SYNE2: variants seen among roughly 807,000 people sequenced by gnomAD.
SYNE2 encodes nesprin-2.
SYNE2 carries 431 observed loss-of-function variants against 856.3 expected under a neutral mutation model. That is an observed-to-expected ratio of 0.50 (90% CI 0.47 to 0.55). The LOEUF (loss-of-function observed/expected upper bound fraction) is 0.55. Among genes scored for constraint, SYNE2 ranks in the 20% least tolerant of loss-of-function variants. The pLI, the probability that SYNE2 is intolerant of heterozygous loss-of-function variation, is 0.00. For missense variants in SYNE2, 8,129 were observed against 8,023.2 expected (o/e 1.01, Z -0.50); for synonymous variants, 2,923 against 2,872.3 (o/e 1.02, Z -0.56).
At chr14:64,059,404 G>A (rs1221711267) in intron 49 of SYNE2, among the ~76,000 whole-genome samples, 1 of 152,218 alleles carries the variant, frequency 6.6e-6, no homozygotes, top group Non-Finnish European at 1.5e-5. Flanking sequence ...GCCTAATAAT[G>A]TTGTGGTTTT....
intron 99 of SYNE2, among the ~76,000 whole-genome samples, chr14:64,194,100 C>G (rs1230974045): frequency 6.6e-6 from 1 of 152,172 alleles, no homozygotes; most frequent in African/African-American, 2.4e-5. Flanking sequence ...CATCTACACT[C>G]TTATGAAACA....
At chr14:63,768,758 G>C (rs974034034) in intron 1 of SYNE2, among the ~76,000 whole-genome samples, 57 of 152,132 alleles carry the variant, frequency 3.7e-4, no homozygotes, top group African/African-American at 1.3e-3. Context: ...TAAGAAAGTT[G>C]CTCTGGATTC....
In SYNE2 at chr14:64,003,242, A is replaced by G. The variant is rs554653679; in HGVS notation, c.4309A>G (p.Asn1437Asp). The G allele has an allele frequency of 6.8e-6, 11 of 1,613,846 alleles. No homozygotes were observed. In the East Asian group the frequency reaches 2.0e-4, roughly 29 times the overall value. ...KLLEACIFKN[N>D]ELLKNIQDVQ... is the part of the protein sequence containing the mutation. ...ACTAGAGGCTTGTATTTTCAAAAAT[A>G]ATGAACTCCTTAAAAATATTCAAGA... The change falls in exon 30 of 116, where the codon AAT becomes GAT. Residue 1437 changes from asparagine (N) to aspartate (D), a missense_variant. Asn to Asp is a conservative substitution (Grantham distance 23). This residue lies in a region of SYNE2 where 2,422 missense variants were observed against 2,357.4 expected (regional missense o/e 1.03). Transcript: ENST00000555002.
chr14:63,892,453 A>C (rs1391194423), intron 1 of SYNE2, among the ~76,000 whole-genome samples: 1 of 151,578 alleles, frequency 6.6e-6, no homozygotes, highest in Non-Finnish European at 1.5e-5. Context: ...AAAACATTAC[A>C]AGCAGAAATT....
chr14:64,013,323 A>T (rs978915784), intron 32 of SYNE2, among the ~76,000 whole-genome samples: 12 of 136,348 alleles, frequency 8.8e-5, no homozygotes, highest in African/African-American at 2.6e-4. Flanking sequence ...TCCTCATTAA[A>T]TTTTTTTTTT....
chr14:64,146,310 T>A (rs540447096), intron 84 of SYNE2, 87 bp downstream of exon 84: 2 of 1,261,048 alleles, frequency 1.6e-6, no homozygotes, highest in Non-Finnish European at 2.2e-6. Context: ...TGCTGTAGTT[T>A]GTGGAAACTC....
rs927645016 is a variant in SYNE2, at chr14:63,945,326, C to T, written c.408+3183C>T. Among the ~76,000 whole-genome samples, 49 of 152,104 alleles carry T rather than the reference C, an allele frequency of 3.2e-4. 1 individual carries two copies. The highest frequency in any genetic ancestry group is 1.5e-4 in the Non-Finnish European group (10 of 68,012). ...TTCTCCCAATCACTGCCCTCCTTTC[C>T]TAAAGGTGAGCACCGCTTTGAGCTC... On this transcript the variant is annotated intron_variant, in intron 6 of 115. Transcript: ENST00000555002.
At chr14:63,919,991 T>TTTTTTTTTTTTTTTTTTG (rs2095579665) in intron 2 of SYNE2, among the ~76,000 whole-genome samples, 1 of 150,560 alleles carries the variant, frequency 6.6e-6, no homozygotes, top group Admixed American at 6.6e-5. Context: ...TTTTTTTTTT[T>TTTTTTTTTTTTTTTTTTG]AAGGTAAGAG....
chr14:64,140,440 A>G (rs1242637453), intron 80 of SYNE2, among the ~76,000 whole-genome samples: 1 of 152,062 alleles, frequency 6.6e-6, no homozygotes, highest in Non-Finnish European at 1.5e-5. Context: ...GAATTAGCCG[A>G]GCATGGTGGT....
At chr14:63,827,151 AC>A (rs1245295104) in intron 1 of SYNE2, among the ~76,000 whole-genome samples, 2 of 151,554 alleles carry the variant, frequency 1.3e-5, no homozygotes, top group Non-Finnish European at 2.9e-5. Context: ...GGTGGCACAT[AC>A]CTGGAATCCC....
At chr14:64,028,284 C>A (rs2153541801) in intron 43 of SYNE2, among the ~76,000 whole-genome samples, 1 of 152,156 alleles carries the variant, frequency 6.6e-6, no homozygotes, top group South Asian at 2.1e-4. Flanking sequence ...GAGACAGTGT[C>A]TTTCTCTGTC....
intron 49 of SYNE2, among the ~76,000 whole-genome samples, chr14:64,059,836 G>A (rs768356395): frequency 2.6e-5 from 4 of 152,212 alleles, no homozygotes; most frequent in African/African-American, 4.8e-5. Flanking sequence ...GAAACCTTAG[G>A]AATCTACCTG....
At chr14:63,814,879 CATATATATATCCAT>C (rs1888833462) in intron 1 of SYNE2, among the ~76,000 whole-genome samples, 9 of 35,552 alleles carry the variant, frequency 2.5e-4, no homozygotes, top group African/African-American at 6.0e-4. Context: ...CATATATATC[CATATATATATCCAT>C]ATATATATCC....
At chr14:63,950,073 C>A in intron 7 of SYNE2, 67 bp downstream of exon 7, 4 of 1,495,062 alleles carry the variant, frequency 2.7e-6, no homozygotes, top group Non-Finnish European at 3.7e-6. Flanking sequence ...CACCTCACCA[C>A]CCAAACACCT....
At chr14:63,801,363 G>A (rs1433070121) in intron 1 of SYNE2, among the ~76,000 whole-genome samples, 1 of 152,044 alleles carries the variant, frequency 6.6e-6, no homozygotes, top group Non-Finnish European at 1.5e-5. Flanking sequence ...ATAACTTACG[G>A]AGAAATAAAA....
chr14:64,167,941 A>G (rs2098390048), intron 92 of SYNE2, among the ~76,000 whole-genome samples: 1 of 152,228 alleles, frequency 6.6e-6, no homozygotes, highest in South Asian at 2.1e-4. Flanking sequence ...CAAGAGTATA[A>G]TAAAATACTT....
chr14:63,809,048 G>T (rs116804914), intron 1 of SYNE2, among the ~76,000 whole-genome samples: 1 of 152,058 alleles, frequency 6.6e-6, no homozygotes, highest in Admixed American at 6.6e-5. Context: ...AAACGAGAAA[G>T]TGGAGAGGCC....
chr14:64,223,942 G>A (rs1319400499), intron 113 of SYNE2, among the ~76,000 whole-genome samples: 2 of 152,130 alleles, frequency 1.3e-5, no homozygotes, highest in Admixed American at 1.3e-4. Context: ...CCCCAGCTCT[G>A]TGCTATGGGT....
intron 1 of SYNE2, among the ~76,000 whole-genome samples, chr14:63,841,533 C>T (rs1428632245): frequency 6.6e-6 from 1 of 152,164 alleles, no homozygotes; most frequent in Admixed American, 6.5e-5. Flanking sequence ...AGGGCAAGTT[C>T]TTGTAAGGTT....
Sources: allele counts gnomAD v4.1 joint callset (sites outside exome capture counted in the v4.1 genomes callset), GRCh38; gene constraint gnomAD v4.1.1; regional missense constraint gnomAD v4.1.1; transcripts MANE v1.5; gene names NCBI Gene and HGNC (gene_info 2026-07-23, HGNC 2026-07-21).